Variants in MRC2 observed in about 807,000 individuals in gnomAD.
MRC2 encodes mannose receptor C-type 2.
A neutral mutation model predicts 206.2 loss-of-function variants in MRC2; 84 were observed. The ratio of observed to expected loss-of-function variants is 0.41; its 90% CI spans 0.34 to 0.49. The LOEUF (loss-of-function observed/expected upper bound fraction) is 0.49. Among genes scored for constraint, MRC2 ranks in the 20% least tolerant of loss-of-function variants. The probability of loss-of-function intolerance (pLI) is 0.31; values close to 1 mark genes in which losing one functional copy is unlikely to be tolerated. For synonymous variants in MRC2, 798 were observed against 800.0 expected (o/e 1.00, Z 0.04); for missense variants, 1,676 against 2,001.5 (o/e 0.84, Z 3.10).
chr17:62,644,778 A>C (rs1359808172), intron 1 of MRC2, among the ~76,000 whole-genome samples: 1 of 152,062 alleles, frequency 6.6e-6, no homozygotes. Flanking sequence ...ACGTGAGGGC[A>C]TAGGATTCCT....
Position 62,680,627 on chromosome 17 carries a change from A to G in MRC2, c.2474-173A>G. ...ACAGCCCTGTTTGCTTCCGTGTGGG[A>G]GGCGAGGCAAGCCTGGGGCCTGGGG... On this transcript the variant is annotated intron_variant, in intron 16 of 29. Coordinates refer to ENST00000303375, the MANE Select transcript of MRC2 (RefSeq NM_006039.5). The surrounding 1 kb of genome is among the most constrained non-coding windows in gnomAD (Gnocchi z 4.8). 1 of 1,250,032 alleles carries G rather than the reference A, an allele frequency of 8.0e-7. No homozygotes were observed. 77.4% of individuals were successfully genotyped at this position (1,250,032 alleles called of 1,614,324 possible).
chr17:62,689,961 C>T lies in MRC2; in HGVS notation c.3641C>T (p.Pro1214Leu), dbSNP rs554348769. 3.9e-5 allele frequency: 63 copies of T among 1,612,216 alleles called. No homozygotes were observed. The South Asian group carries it at 4.0e-4, about 10-fold the overall frequency. The change falls in exon 25 of 30, where the codon CCG becomes CTG. Residue 1214 changes from proline to leucine, a missense_variant. Coordinates refer to ENST00000303375, the MANE Select transcript of MRC2 (RefSeq NM_006039.5). ...LNYVGWQDGE[P>L]QQPGGCTYVD... ...TACGTGGGCTGGCAGGACGGGGAGC[C>T]GCAGCAGCCGGGGGGCTGTACCTAC...
chr17:62,686,533 G>A (rs2147490183), intron 20 of MRC2, among the ~76,000 whole-genome samples: 1 of 152,312 alleles, frequency 6.6e-6, no homozygotes, highest in Middle Eastern at 3.4e-3. Context: ...AGCTCAGGCT[G>A]TAATGCCCCT....
At chr17:62,682,694 T>C (rs2088984026) in intron 20 of MRC2, among the ~76,000 whole-genome samples, 1 of 150,122 alleles carries the variant, frequency 6.7e-6, no homozygotes, top group Non-Finnish European at 1.5e-5. Flanking sequence ...CAGGCTGGAG[T>C]GCAGTGGCGC....
In MRC2 at chr17:62,690,178, A is replaced by AC; in HGVS notation, c.3765_3766insC (p.Ser1256GlnfsTer53). The stretch of plus-strand genomic sequence containing the variant: ...CAGGGCCCCCTCCTCCCCGAAGAAT[A>AC]AGCTACCATGGCAGCTGTCCCCAGG... On this transcript the variant is annotated frameshift_variant, in exon 26 of 30. Coordinates refer to ENST00000303375, the MANE Select transcript of MRC2 (RefSeq NM_006039.5). LOFTEE classifies it high-confidence loss of function. 1 of 1,608,540 alleles carries AC rather than the reference A, an allele frequency of 6.2e-7. No homozygotes were observed. Among genetic ancestry groups the AC allele is most frequent in the Non-Finnish European group, 8.5e-7 (1 of 1,176,086 alleles).
At chr17:62,690,592 GCC>G (rs11357719) in intron 26 of MRC2, 48 bp from the exon 27 acceptor site, 8 of 1,532,964 alleles carry the variant, frequency 5.2e-6, no homozygotes, top group Middle Eastern at 3.5e-4. Flanking sequence ...GGGGGACTCT[GCC>G]CCCCCCGGAG....
intron 1 of MRC2, among the ~76,000 whole-genome samples, chr17:62,662,707 T>G (rs1161855531): frequency 1.3e-5 from 2 of 151,986 alleles, no homozygotes; most frequent in African/African-American, 4.8e-5. Flanking sequence ...GTTGGGAGTT[T>G]GAGACCACCC....
intron 1 of MRC2, among the ~76,000 whole-genome samples, chr17:62,645,829 C>T (rs1205169759): frequency 3.3e-5 from 5 of 151,266 alleles, no homozygotes; most frequent in Non-Finnish European, 5.9e-5. Flanking sequence ...TGTGAGCCAC[C>T]GCACCTGGCT....
Position 62,680,015 on chromosome 17 carries a change from G to C in MRC2, c.2298+113G>C. The C allele has an allele frequency of 6.8e-7, 1 of 1,472,478 alleles. No individual in the cohort carries two copies. 91.2% of individuals were successfully genotyped at this position (1,472,478 alleles called of 1,614,324 possible). On this transcript the variant is annotated intron_variant, in intron 14 of 29. Transcript: ENST00000303375. This position sits in a 1 kb window ranked among gnomAD's most constrained non-coding sequence, Gnocchi z 4.8. ...TTTCTTGAGGGCCGGGCCCCCAGTCGGAGCCGGCTTCAGGAAAGCAGGTCC... is the reference window on the plus strand; with the variant it reads ...TTTCTTGAGGGCCGGGCCCCCAGTCCGAGCCGGCTTCAGGAAAGCAGGTCC...
Position 62,671,662 on chromosome 17 carries a change from T to G in MRC2, c.1131T>G (p.Asn377Lys). The G allele has an allele frequency of 6.3e-7, 1 of 1,586,714 alleles. No individual in the cohort carries two copies. Among genetic ancestry groups the G allele is most frequent in the Non-Finnish European group, 8.6e-7 (1 of 1,164,670 alleles). The change falls in exon 7 of 30, where the codon AAT becomes AAG. Residue 377 changes from asparagine (N) to lysine (K), a missense_variant. Physicochemically the swap from Asn to Lys is moderately conservative, Grantham distance 94 (BLOSUM62 0). This residue lies in a region of MRC2 where 1,354 missense variants were observed against 1,636.6 expected (regional missense o/e 0.83). Coordinates refer to ENST00000303375, the MANE Select transcript of MRC2 (RefSeq NM_006039.5). This position sits in a 1 kb window ranked among gnomAD's most constrained non-coding sequence, Gnocchi z 4.5. ...GGGTCTCTGCAGACAGGTGGGCCAA[T>G]GTGAAGGTGGAGTGCGAGCCGAGCT... ...AEPTPPDRWANVKVECEPSWQ... is the reference protein window; with the variant it reads ...AEPTPPDRWAKVKVECEPSWQ...
chr17:62,664,504 A>T lies in MRC2; in HGVS notation c.119-44A>T, dbSNP rs779316861. 9 of 1,564,408 alleles carry T rather than the reference A, an allele frequency of 5.8e-6. No homozygotes were observed. The highest frequency in any genetic ancestry group is 7.8e-6 in the Non-Finnish European group (9 of 1,156,106). On this transcript the variant is annotated intron_variant, in intron 1 of 29. Coordinates refer to ENST00000303375, the MANE Select transcript of MRC2 (RefSeq NM_006039.5). This position sits in a 1 kb window ranked among gnomAD's most constrained non-coding sequence, Gnocchi z 4.7. The stretch of plus-strand genomic sequence containing the variant: ...CCACACCGGTCATCAAGGGCCAACC[A>T]GGAGAGCCCCTGTGATGCCTTCGTG...
intron 1 of MRC2, among the ~76,000 whole-genome samples, chr17:62,628,514 G>A (rs2084189092): frequency 6.6e-6 from 1 of 152,206 alleles, no homozygotes; most frequent in Non-Finnish European, 1.5e-5. Context: ...CGGCAGCCCT[G>A]TGAGGAGGCT....
At chr17:62,689,164 G>T (rs1022401712) in intron 23 of MRC2, among the ~76,000 whole-genome samples, 4 of 152,182 alleles carry the variant, frequency 2.6e-5, no homozygotes, top group African/African-American at 9.7e-5. Context: ...GGGGTATGGA[G>T]GGCTCGTTGG....
intron 6 of MRC2, among the ~76,000 whole-genome samples, chr17:62,670,182 T>TA (rs2088810341): frequency 2.0e-5 from 3 of 152,238 alleles, no homozygotes; most frequent in Non-Finnish European, 4.4e-5. Flanking sequence ...CTAGGCAGGT[T>TA]CTGCTTTCCC....
rs1006724703 is a variant in MRC2 at position 62,664,437 on chromosome 17, G to A, written c.119-111G>A. 8.2e-6 allele frequency: 10 copies of A among 1,226,124 alleles called. No individual in the cohort carries two copies. Among genetic ancestry groups the A allele is most frequent in the East Asian group, 4.7e-5 (2 of 42,882 alleles). 76.0% of individuals were successfully genotyped at this position (1,226,124 alleles called of 1,614,324 possible). A position where few individuals can be genotyped will look rare whatever the true frequency, so the allele number is the denominator to read the frequency against. ...CCGAGTGATTTAACGTATGAGTGACGGCTCACCATCCTGCACTGGGCACAT... is the reference window on the plus strand; with the variant it reads ...CCGAGTGATTTAACGTATGAGTGACAGCTCACCATCCTGCACTGGGCACAT... On this transcript the variant is annotated intron_variant, in intron 1 of 29. Coordinates refer to ENST00000303375, the MANE Select transcript of MRC2 (RefSeq NM_006039.5). The surrounding 1 kb of genome is among the most constrained non-coding windows in gnomAD (Gnocchi z 4.7).
Position 62,691,125 on chromosome 17 carries a change from CGTG to C in MRC2, c.4192+1_4192+3del. ...CATGGGTGTCGTCTGCAAGCTTCCT[CGTG>C]GTGAGCGCCGGGCAGGCCCACGCTC... On this transcript the variant is annotated inframe_deletion and splice_region_variant, in exon 28 of 30. Transcript: ENST00000303375. 46 of 1,601,788 alleles carry C rather than the reference CGTG, an allele frequency of 2.9e-5. No individual in the cohort carries two copies. The highest frequency in any genetic ancestry group is 3.9e-5 in the Non-Finnish European group (46 of 1,175,430).
chr17:62,639,737 G>A (rs927421859), intron 1 of MRC2, among the ~76,000 whole-genome samples: 1 of 152,150 alleles, frequency 6.6e-6, no homozygotes, highest in Non-Finnish European at 1.5e-5. Flanking sequence ...CAATGCTCCC[G>A]CCTAAGCCTC....
At chr17:62,636,751 G>A (rs1009234139) in intron 1 of MRC2, among the ~76,000 whole-genome samples, 5 of 152,084 alleles carry the variant, frequency 3.3e-5, no homozygotes, top group East Asian at 1.9e-4. Context: ...GATTACAGGC[G>A]TGAGTCACAG....
intron 1 of MRC2, among the ~76,000 whole-genome samples, chr17:62,641,770 A>G (rs1016757299): frequency 3.3e-5 from 5 of 152,236 alleles, no homozygotes; most frequent in African/African-American, 4.8e-5. Flanking sequence ...AGAGGACTGC[A>G]TATGGTACAA....
Sources: gnomAD v4.1 joint callset for allele counts (sites outside exome capture counted in the v4.1 genomes callset) on GRCh38, gnomAD v4.1.1 for gene constraint, gnomAD v4.1.1 regional missense constraint, Gnocchi (gnomAD v3.1) non-coding constraint, MANE v1.5 for transcripts, NCBI Gene and HGNC (gene_info 2026-07-23, HGNC 2026-07-21) for gene names.